The following SIMC1 variants were observed in gnomAD, a reference collection of about 807,000 sequenced individuals.
SIMC1 encodes SUMO-interacting motif-containing protein 1.
A neutral mutation model predicts 82.3 loss-of-function variants in SIMC1; 55 were observed. The observed-to-expected ratio is 0.67, with a 90% CI of 0.54 to 0.84. The LOEUF (loss-of-function observed/expected upper bound fraction) is 0.84, where lower values mean the gene tolerates loss of function less well. Ranked by LOEUF, SIMC1 falls within the 40% of genes least tolerant of loss-of-function variation. SIMC1 has a pLI of 0.00. For synonymous variants in SIMC1, 353 were observed against 426.3 expected (o/e 0.83, Z 2.12); for missense variants, 915 against 1,107.2 (o/e 0.83, Z 2.46).
intron 1 of SIMC1, among the ~76,000 whole-genome samples, chr5:176,251,650 A>G (rs1158030538): frequency 6.6e-6 from 1 of 150,790 alleles, no homozygotes; most frequent in Non-Finnish European, 1.5e-5. Flanking sequence ...GCAGGGTCAT[A>G]GGACAATAGT....
At chr5:176,249,507 G>A (rs184777463) in intron 1 of SIMC1, among the ~76,000 whole-genome samples, 1 of 151,476 alleles carries the variant, frequency 6.6e-6, no homozygotes, top group East Asian at 1.9e-4. Context: ...TTCTTTATTA[G>A]TCTGGCTAGT....
chr5:176,316,513 C>A (rs376283927), intron 5 of SIMC1, among the ~76,000 whole-genome samples: 269 of 122,356 alleles, frequency 2.2e-3, no homozygotes, highest in Non-Finnish European at 2.2e-3. Context: ...CTAAAAAATA[C>A]AAAAAAAAAA....
At chr5:176,316,728 T>C (rs1322928920) in intron 5 of SIMC1, among the ~76,000 whole-genome samples, 1 of 151,788 alleles carries the variant, frequency 6.6e-6, no homozygotes, top group Non-Finnish European at 1.5e-5. Flanking sequence ...ACATGGTGGC[T>C]GAGGCCTGTA....
intron 1 of SIMC1, among the ~76,000 whole-genome samples, chr5:176,277,764 T>G (rs1006487764): frequency 3.3e-5 from 5 of 151,948 alleles, no homozygotes; most frequent in African/African-American, 1.2e-4. Context: ...GTTGTAGATA[T>G]GCGGTGTTAT....
intron 1 of SIMC1, among the ~76,000 whole-genome samples, chr5:176,281,359 C>A (rs1224660682): frequency 6.6e-6 from 1 of 152,164 alleles, no homozygotes; most frequent in African/African-American, 2.4e-5. Flanking sequence ...TTTTTAACTT[C>A]TTTGCCTTTG....
At chr5:176,240,545 T>G (rs1247267965) in intron 1 of SIMC1, among the ~76,000 whole-genome samples, 1 of 95,990 alleles carries the variant, frequency 1.0e-5, no homozygotes, top group Non-Finnish European at 2.3e-5. Flanking sequence ...AGTACCCAAT[T>G]TAAATCGTGC....
chr5:176,306,124 C>T (rs1320051988), intron 4 of SIMC1, among the ~76,000 whole-genome samples: 4 of 79,718 alleles, frequency 5.0e-5, no homozygotes, highest in Non-Finnish European at 1.1e-4. Flanking sequence ...AGTGAGGAGC[C>T]CCTCTGCCCG....
At chr5:176,277,844 G>T (rs76626324) in intron 1 of SIMC1, among the ~76,000 whole-genome samples, 47 of 151,606 alleles carry the variant, frequency 3.1e-4, no homozygotes, top group Non-Finnish European at 1.2e-4. Flanking sequence ...CTGTTTTGGT[G>T]ACTGTAGCCT....
At position 176,295,241 on chromosome 5, in the gene SIMC1, T is replaced by G. The variant is rs773239089; in HGVS notation, c.1643T>G (p.Met548Arg). The G allele has an allele frequency of 6.8e-6, 11 of 1,612,812 alleles. No individual in the cohort carries two copies. In the Admixed American group the frequency reaches 1.7e-4, roughly 25 times the overall value. ...GTGGATGTCCTAAAGGAGGCCTACA[T>G]GCTTCTCATGAAAATTCAACAGTAT... ...ETVDVLKEAY[M>R]LLMKIQQLHP... is the part of the protein sequence containing the mutation. Residue 548 changes from methionine (M) to arginine (R), a missense_variant, in exon 3 of 10, where the codon ATG becomes AGG. By Grantham distance (91) the Met-to-Arg change is moderately conservative (BLOSUM62 -1). Around this residue, in one of 2 missense-constraint regions of SIMC1, gnomAD observed 902 missense variants for 1,040.3 expected, o/e 0.87. Transcript: ENST00000429602.
intron 1 of SIMC1, among the ~76,000 whole-genome samples, chr5:176,246,452 T>TG: frequency 1.5e-5 from 2 of 129,518 alleles, no homozygotes; most frequent in African/African-American, 6.0e-5. Flanking sequence ...GTGTGTGTTG[T>TG]TTGTTTGTTT....
intron 1 of SIMC1, among the ~76,000 whole-genome samples, chr5:176,253,934 G>A (rs1410522238): frequency 3.3e-5 from 5 of 152,128 alleles, no homozygotes; most frequent in East Asian, 1.9e-4. Context: ...AAATGACCAC[G>A]GAGAACTAGG....
At chr5:176,250,332 G>A (rs140024910) in intron 1 of SIMC1, among the ~76,000 whole-genome samples, 17,527 of 152,160 alleles carry the variant, frequency 0.12, 1,072 homozygotes, top group Admixed American at 0.15. Context: ...CTGAGAGACT[G>A]TTATGATTTC....
chr5:176,317,474 A>T (rs1764966317), intron 5 of SIMC1, among the ~76,000 whole-genome samples: 2 of 152,232 alleles, frequency 1.3e-5, no homozygotes, highest in South Asian at 2.1e-4. Flanking sequence ...GCAAAATAAC[A>T]TGCTTGCAGT....
rs1763150996 is a variant in SIMC1 at position 176,284,149 on chromosome 5, T to A, written c.130-5505T>A. 2.6e-5 allele frequency among the ~76,000 whole-genome samples: 4 copies of A among 152,276 alleles called. No individual in the cohort carries two copies. In the South Asian group the frequency reaches 8.3e-4, roughly 32 times the overall value. Reference sequence around the variant, plus strand: ...AAAGTCAACAAAGATATCCAGGAATTGAACTCAGCTCTGTACCAAGCGGAC... The same window carrying A: ...AAAGTCAACAAAGATATCCAGGAATAGAACTCAGCTCTGTACCAAGCGGAC... On this transcript the variant is annotated intron_variant, in intron 1 of 9. Transcript: ENST00000429602.
intron 4 of SIMC1, among the ~76,000 whole-genome samples, chr5:176,304,644 G>A (rs1425359734): frequency 6.1e-5 from 9 of 146,884 alleles, no homozygotes; most frequent in African/African-American, 1.0e-4. Context: ...CTGCCTGGCC[G>A]CCCATCGTCT....
chr5:176,330,886 G>A (rs1379017345), intron 7 of SIMC1, among the ~76,000 whole-genome samples: 1 of 152,124 alleles, frequency 6.6e-6, no homozygotes, highest in Admixed American at 6.6e-5. Context: ...GGGAAAAATA[G>A]CAACTTTACA....
chr5:176,280,222 TATCTA>T (rs1000299517), intron 1 of SIMC1, among the ~76,000 whole-genome samples: 32 of 152,354 alleles, frequency 2.1e-4, no homozygotes, highest in African/African-American at 7.7e-4. Flanking sequence ...CCTTTACCAT[TATCTA>T]ATGGCCTTCT....
At chr5:176,319,232 C>A (rs1442224758) in intron 5 of SIMC1, among the ~76,000 whole-genome samples, 2 of 152,228 alleles carry the variant, frequency 1.3e-5, no homozygotes, top group Non-Finnish European at 2.9e-5. Context: ...GGTTTATATT[C>A]ATCCATTGGG....
At chr5:176,258,784 A>G (rs1761926459) in intron 1 of SIMC1, among the ~76,000 whole-genome samples, 1 of 151,734 alleles carries the variant, frequency 6.6e-6, no homozygotes, top group African/African-American at 2.4e-5. Flanking sequence ...GTCTTAAATC[A>G]AGTTCAGCTT....
Sources: allele counts gnomAD v4.1 joint callset (sites outside exome capture counted in the v4.1 genomes callset), GRCh38; gene constraint gnomAD v4.1.1; regional missense constraint gnomAD v4.1.1; transcripts MANE v1.5; gene names NCBI Gene and HGNC (gene_info 2026-07-23, HGNC 2026-07-21).